The following ITGBL1 variants were observed in gnomAD, a reference collection of about 807,000 sequenced individuals.
ITGBL1 encodes integrin subunit beta like 1.
Under a neutral mutation model 68.5 loss-of-function variants are expected in ITGBL1, and 51 were observed. The observed-to-expected ratio is 0.74, with a 90% confidence interval of 0.59 to 0.94. The LOEUF (loss-of-function observed/expected upper bound fraction) is 0.94, where lower values mean the gene tolerates loss of function less well. Ranked by LOEUF, ITGBL1 falls within the 40% of genes least tolerant of loss-of-function variation. ITGBL1 has a pLI of 0.00. For missense variants in ITGBL1, 649 were observed against 647.4 expected (o/e 1.00, Z -0.03); for synonymous variants, 209 against 227.3 (o/e 0.92, Z 0.72).
intron 2 of ITGBL1, among the ~76,000 whole-genome samples, chr13:101,533,948 C>T (rs546367032): frequency 6.6e-6 from 1 of 152,212 alleles, no homozygotes; most frequent in Admixed American, 6.6e-5. Flanking sequence ...CAAATCTTTG[C>T]CTATTTTCCA....
chr13:101,649,954 A>G (rs2032688770), intron 7 of ITGBL1, among the ~76,000 whole-genome samples: 1 of 152,072 alleles, frequency 6.6e-6, no homozygotes, highest in Non-Finnish European at 1.5e-5. Flanking sequence ...CATTCTTACC[A>G]CCTTGAGTTA....
intron 2 of ITGBL1, among the ~76,000 whole-genome samples, chr13:101,512,058 T>G (rs1490300792): frequency 6.6e-6 from 1 of 152,164 alleles, no homozygotes; most frequent in Non-Finnish European, 1.5e-5. Context: ...CTCTGACAAA[T>G]AGTAGCAGTT....
intron 6 of ITGBL1, among the ~76,000 whole-genome samples, chr13:101,593,014 A>C (rs745692419): frequency 6.6e-6 from 1 of 152,114 alleles, no homozygotes; most frequent in East Asian, 1.9e-4. Context: ...TGCAAACTAT[A>C]TATCTGACAA....
At chr13:101,498,638 A>G (rs935299186) in intron 2 of ITGBL1, among the ~76,000 whole-genome samples, 6 of 152,182 alleles carry the variant, frequency 3.9e-5, no homozygotes, top group African/African-American at 1.4e-4. Context: ...AAATATACAG[A>G]TGACCTAAAT....
At chr13:101,593,940 A>T (rs926222467) in intron 6 of ITGBL1, among the ~76,000 whole-genome samples, 2 of 152,168 alleles carry the variant, frequency 1.3e-5, no homozygotes, top group Non-Finnish European at 2.9e-5. Context: ...TGATAAATGC[A>T]TAAGGTGATC....
At chr13:101,499,318 C>T (rs2048904741) in intron 2 of ITGBL1, among the ~76,000 whole-genome samples, 1 of 152,184 alleles carries the variant, frequency 6.6e-6, no homozygotes, top group Admixed American at 6.5e-5. Context: ...TCTGCTTTGG[C>T]TTCTACTTTT....
At chr13:101,461,244 A>G (rs902551817) in intron 2 of ITGBL1, among the ~76,000 whole-genome samples, 66 of 152,200 alleles carry the variant, frequency 4.3e-4, no homozygotes, top group African/African-American at 1.5e-3. Context: ...AGAGTCTTCA[A>G]TATATTTTGA....
intron 2 of ITGBL1, among the ~76,000 whole-genome samples, chr13:101,517,915 G>A (rs955268279): frequency 5.9e-5 from 9 of 152,124 alleles, no homozygotes; most frequent in African/African-American, 2.2e-4. Context: ...TGGATCAGTG[G>A]TGGCTCAAGT....
chr13:101,526,839 G>T (rs2049388804), intron 2 of ITGBL1, among the ~76,000 whole-genome samples: 1 of 151,780 alleles, frequency 6.6e-6, no homozygotes, highest in African/African-American at 2.4e-5. Flanking sequence ...TTGATAAGTT[G>T]CAGGTATCAT....
rs2033496779 is a variant in ITGBL1, at chr13:101,676,148, T to G, written c.1016-16437T>G. ...TAATCTCTTTCTATTGTCTGTTTTT[T>G]TCTCTTTTATTTTTAGTGAATCTGT... On this transcript the variant is annotated intron_variant, in intron 7 of 10. Transcript: ENST00000376180. Among the ~76,000 whole-genome samples, 3 of 152,286 alleles carry G rather than the reference T, an allele frequency of 2.0e-5. No individual in the cohort carries two copies. The South Asian group carries it at 6.2e-4, about 32-fold the overall frequency.
chr13:101,486,267 TTATAAG>T (rs2048701561), intron 2 of ITGBL1, among the ~76,000 whole-genome samples: 1 of 152,166 alleles, frequency 6.6e-6, no homozygotes, highest in Non-Finnish European at 1.5e-5. Flanking sequence ...ATGTTCTCAC[TTATAAG>T]TAGGAGCTAA....
chr13:101,495,939 T>A (rs1309218801), intron 2 of ITGBL1, among the ~76,000 whole-genome samples: 3 of 152,200 alleles, frequency 2.0e-5, no homozygotes, highest in Non-Finnish European at 2.9e-5. Flanking sequence ...TTACATTGTA[T>A]ATTTCATAAT....
chr13:101,636,123 G>A (rs1300286691), intron 7 of ITGBL1, among the ~76,000 whole-genome samples: 3 of 152,104 alleles, frequency 2.0e-5, no homozygotes, highest in East Asian at 1.9e-4. Context: ...ACACTTTTGA[G>A]TTTTCAGAAT....
chr13:101,499,834 C>T (rs2048913177), intron 2 of ITGBL1, among the ~76,000 whole-genome samples: 1 of 152,186 alleles, frequency 6.6e-6, no homozygotes, highest in Admixed American at 6.5e-5. Flanking sequence ...AGAGATGGCT[C>T]AGGGCTTAGA....
At chr13:101,670,250 C>T (rs112487672) in intron 7 of ITGBL1, among the ~76,000 whole-genome samples, 2,885 of 152,262 alleles carry the variant, frequency 0.019, 91 homozygotes, top group African/African-American at 0.066. Context: ...CACTCATAAC[C>T]TCGGGCAGAC....
chr13:101,575,600 T>C (rs2050346415), intron 4 of ITGBL1, 54 bp downstream of exon 4: 2 of 1,557,590 alleles, frequency 1.3e-6, no homozygotes, highest in African/African-American at 2.7e-5. Context: ...TTTTCACCTA[T>C]TTCATTGTTC....
chr13:101,609,889 G>T (rs2031043070), intron 7 of ITGBL1, among the ~76,000 whole-genome samples: 2 of 152,056 alleles, frequency 1.3e-5, no homozygotes, highest in Non-Finnish European at 2.9e-5. Context: ...TTGTATCAAA[G>T]ATAGGAATTG....
intron 7 of ITGBL1, among the ~76,000 whole-genome samples, chr13:101,642,175 A>T (rs1012496119): frequency 3.9e-5 from 6 of 151,940 alleles, no homozygotes; most frequent in African/African-American, 1.5e-4. Context: ...TTACAGTCCC[A>T]CCAACAGTGT....
At position 101,674,806 on chromosome 13, in the gene ITGBL1, T is replaced by C. The variant is rs139049861; in HGVS notation, c.1016-17779T>C. ...TATTCTAGTATCATAATATTTACAT[T>C]CTAGATTTAGTTTAACTTCATCTTA... On this transcript the variant is annotated intron_variant, in intron 7 of 10. Transcript: ENST00000376180. Among the ~76,000 whole-genome samples, 246 of 152,240 alleles carry C rather than the reference T, an allele frequency of 1.6e-3. 1 individual carries two copies. The highest frequency in any genetic ancestry group is 5.7e-3 in the African/African-American group (239 of 41,578).
Sources: allele counts gnomAD v4.1 joint callset (sites outside exome capture counted in the v4.1 genomes callset), GRCh38; gene constraint gnomAD v4.1.1; transcripts MANE v1.5; gene names NCBI Gene and HGNC (gene_info 2026-07-23, HGNC 2026-07-21).